TET3: variants seen among roughly 807,000 people sequenced by gnomAD.
The protein encoded by TET3 is tet methylcytosine dioxygenase 3.
A neutral mutation model predicts 141.4 loss-of-function variants in TET3; 19 were observed. The observed-to-expected ratio is 0.13, with a 90% CI of 0.09 to 0.20. The LOEUF is 0.20. Ranked by LOEUF, TET3 falls within the 10% of genes least tolerant of loss-of-function variation. TET3 has a pLI of 1.00. For synonymous variants in TET3, 1,043 were observed against 980.9 expected (o/e 1.06, Z -1.18); for missense variants, 1,874 against 2,356.9 (o/e 0.80, Z 4.24).
chr2:74,037,232 C>T (rs1320761817), intron 3 of TET3, among the ~76,000 whole-genome samples: 3 of 152,166 alleles, frequency 2.0e-5, no homozygotes, highest in Non-Finnish European at 2.9e-5. Context: ...TTTCTGCACT[C>T]GCTTATTAGT....
intron 6 of TET3, among the ~76,000 whole-genome samples, chr2:74,082,913 C>T (rs1035270319): frequency 6.6e-6 from 1 of 152,176 alleles, no homozygotes; most frequent in Non-Finnish European, 1.5e-5. Context: ...TGAGTGCAGG[C>T]ATCCAGTGTC....
intron 3 of TET3, among the ~76,000 whole-genome samples, chr2:74,003,696 G>A (rs1684998430): frequency 6.6e-6 from 1 of 151,740 alleles, no homozygotes; most frequent in African/African-American, 2.4e-5. Context: ...GGATATTTTG[G>A]GTAGGGTGGG....
At chr2:74,031,956 G>C (rs775566118) in intron 3 of TET3, among the ~76,000 whole-genome samples, 4 of 152,192 alleles carry the variant, frequency 2.6e-5, no homozygotes, top group Non-Finnish European at 4.4e-5. Context: ...ATTCTACTTT[G>C]CCACTCACCA....
At chr2:74,003,251 T>C (rs1684959712) in intron 3 of TET3, 85 bp downstream of exon 3, 2 of 1,510,958 alleles carry the variant, frequency 1.3e-6, no homozygotes, top group Admixed American at 2.0e-5. Context: ...ATAAAGGGTC[T>C]CCTCTGGTGA....
Position 74,093,079 on chromosome 2 carries a change from CT to C in TET3, c.3129+92del. 8.3e-7 allele frequency: 1 copy of C among 1,197,916 alleles called. No homozygotes were observed. The highest frequency in any genetic ancestry group is 1.2e-6 in the Non-Finnish European group (1 of 830,796). The allele number at this position is 1,197,916 out of a possible 1,614,324, so 74.2% of individuals were successfully genotyped here. A position where few individuals can be genotyped will look rare whatever the true frequency, so the allele number is the denominator to read the frequency against. On this transcript the variant is annotated intron_variant, in intron 9 of 11. Coordinates refer to ENST00000409262, the MANE Select transcript of TET3 (RefSeq NM_001287491.2). The surrounding 1 kb of genome is among the most constrained non-coding windows in gnomAD (Gnocchi z 4.2). The stretch of plus-strand genomic sequence containing the variant: ...AAGGTGGGAAGTGGGAGAGTGGGCT[CT>C]TTTACTCTCTTATGGGAAGAGCCTA...
At chr2:74,078,337 TTG>T (rs1689628170) in intron 5 of TET3, among the ~76,000 whole-genome samples, 1 of 152,216 alleles carries the variant, frequency 6.6e-6, no homozygotes, top group Non-Finnish European at 1.5e-5. Context: ...ACAAAGATAT[TTG>T]TATATATACA....
intron 4 of TET3, among the ~76,000 whole-genome samples, chr2:74,051,605 C>T (rs1456225829): frequency 2.6e-5 from 4 of 152,110 alleles, no homozygotes; most frequent in East Asian, 1.9e-4. Flanking sequence ...GTAGGAGACC[C>T]GTTAGGAAGC....
In TET3 at chr2:73,989,405, A is replaced by G. The variant is rs547838366; in HGVS notation, c.303+2699A>G. On this transcript the variant is annotated intron_variant, in intron 2 of 11. Coordinates refer to ENST00000409262, the MANE Select transcript of TET3 (RefSeq NM_001287491.2). The stretch of plus-strand genomic sequence containing the variant: ...TCTTCCTTACTTCCCTTCTGTCTCC[A>G]TCTCTCGTAGCTGACTTTGGGGCTT... Among the ~76,000 whole-genome samples the G allele has an allele frequency of 1.1e-4, 17 of 152,128 alleles. No homozygotes were observed. In the South Asian group the frequency reaches 2.7e-3, roughly 24 times the overall value.
At chr2:74,123,294 C>T in the TET3 span, 3 of 152,260 alleles carry the variant, frequency 2.0e-5, no homozygotes, top group Non-Finnish European at 4.4e-5. Context: ...CCACTCCAGC[C>T]TGAGCGACGG....
chr2:74,058,513 A>C (rs1261161600), intron 4 of TET3, among the ~76,000 whole-genome samples: 5 of 151,274 alleles, frequency 3.3e-5, no homozygotes, highest in Non-Finnish European at 5.9e-5. Context: ...GTGAAGAATC[A>C]CCTACAAGTT....
chr2:74,099,935 C>G (rs1691080695), intron 11 of TET3, among the ~76,000 whole-genome samples: 1 of 152,186 alleles, frequency 6.6e-6, no homozygotes, highest in Non-Finnish European at 1.5e-5. Context: ...TGAGTAGCAG[C>G]ACTTCAGGAC....
chr2:74,116,410 C>T, the TET3 span, among the ~76,000 whole-genome samples: 143 of 152,148 alleles, frequency 9.4e-4, no homozygotes, highest in South Asian at 3.1e-3. Flanking sequence ...TGGGAGGGCA[C>T]GGTGGCTCAT....
chr2:74,006,436 A>C (rs928144258), intron 3 of TET3, among the ~76,000 whole-genome samples: 1 of 152,208 alleles, frequency 6.6e-6, no homozygotes, highest in Non-Finnish European at 1.5e-5. Flanking sequence ...AGAGCCTTGC[A>C]AGACATACAC....
At chr2:74,063,423 A>T (rs1688704242) in intron 4 of TET3, among the ~76,000 whole-genome samples, 1 of 152,132 alleles carries the variant, frequency 6.6e-6, no homozygotes, top group Non-Finnish European at 1.5e-5. Context: ...TAGTCATATC[A>T]TGTCTACTGA....
intron 3 of TET3, among the ~76,000 whole-genome samples, chr2:74,035,083 T>A (rs1411270982): frequency 6.7e-6 from 1 of 149,170 alleles, no homozygotes. Context: ...GCGCCTGTAG[T>A]CCCAGCTATT....
At chr2:74,025,445 G>A (rs1471873344) in intron 3 of TET3, among the ~76,000 whole-genome samples, 1 of 151,212 alleles carries the variant, frequency 6.6e-6, no homozygotes, top group Non-Finnish European at 1.5e-5. Context: ...CCACCACCAC[G>A]CCCGGCTAAT....
At position 74,019,045 on chromosome 2, in the gene TET3, GAGATCAGCC is replaced by G. The variant is rs1179953697; in HGVS notation, c.360+15882_360+15890del. Among the ~76,000 whole-genome samples the G allele has an allele frequency of 3.3e-5, 5 of 152,218 alleles. No individual in the cohort carries two copies. In the East Asian group the frequency reaches 9.6e-4, roughly 29 times the overall value. ...GAAGACTGCCTGAAGCCAGGAGTTT[GAGATCAGCC>G]AGGGTAACATAGTGAGACCCCCCGC... On this transcript the variant is annotated intron_variant, in intron 3 of 11. Coordinates refer to ENST00000409262, the MANE Select transcript of TET3 (RefSeq NM_001287491.2).
At chr2:74,062,945 G>C (rs1410698278) in intron 4 of TET3, among the ~76,000 whole-genome samples, 1 of 148,826 alleles carries the variant, frequency 6.7e-6, no homozygotes, top group South Asian at 2.1e-4. Flanking sequence ...GTGCAGTGGC[G>C]CGATCTCGTC....
At chr2:74,100,318 C>T in intron 11 of TET3, 75 bp from the exon 12 acceptor site, 4 of 1,452,372 alleles carry the variant, frequency 2.8e-6, no homozygotes, top group South Asian at 1.3e-5. Flanking sequence ...GGGTCCATCC[C>T]CAGTCCCCGA....
Sources: allele counts gnomAD v4.1 joint callset (sites outside exome capture counted in the v4.1 genomes callset), GRCh38; gene constraint gnomAD v4.1.1; non-coding constraint Gnocchi (gnomAD v3.1); transcripts MANE v1.5; gene names NCBI Gene and HGNC (gene_info 2026-07-23, HGNC 2026-07-21).